The following CREB3L2 variants were observed in gnomAD, a reference collection of about 807,000 sequenced individuals.
CREB3L2 encodes cAMP responsive element binding protein 3 like 2.
CREB3L2 carries 23 observed loss-of-function variants against 57.2 expected under a neutral mutation model. The observed-to-expected ratio is 0.40, with a 90% CI of 0.29 to 0.57. CREB3L2 has a LOEUF of 0.57. CREB3L2 is among the 20% of genes least tolerant of loss of function. The pLI is 0.42. For synonymous variants in CREB3L2, 268 were observed against 265.1 expected (o/e 1.01, Z -0.11); for missense variants, 628 against 634.7 (o/e 0.99, Z 0.11).
intron 1 of CREB3L2, chr7:137,955,440 A>G (rs1801190153): frequency 3.8e-6 from 2 of 524,500 alleles, no homozygotes; most frequent in Admixed American, 4.9e-5. Flanking sequence ...CGCCAAACTT[A>G]CACGTCCGGT....
At chr7:137,888,513 G>A (rs1040014253) in intron 8 of CREB3L2, among the ~76,000 whole-genome samples, 4 of 151,978 alleles carry the variant, frequency 2.6e-5, no homozygotes, top group East Asian at 1.9e-4. Context: ...TTCTCACAGC[G>A]AGATTTCACT....
chr7:137,903,768 T>C (rs1008948488), intron 7 of CREB3L2, among the ~76,000 whole-genome samples, 191 bp downstream of exon 7: 6 of 152,248 alleles, frequency 3.9e-5, no homozygotes, highest in African/African-American at 1.4e-4. Flanking sequence ...GTACTTTCAC[T>C]TCTTTCTTGC....
chr7:137,977,661 C>T (rs1801632212), intron 1 of CREB3L2, among the ~76,000 whole-genome samples: 1 of 152,176 alleles, frequency 6.6e-6, no homozygotes, highest in African/African-American at 2.4e-5. Context: ...TGGCTCATGC[C>T]TGTACGCCCA....
intron 1 of CREB3L2, among the ~76,000 whole-genome samples, chr7:137,992,089 C>G (rs1801909103): frequency 6.6e-6 from 1 of 151,984 alleles, no homozygotes; most frequent in Non-Finnish European, 1.5e-5. Flanking sequence ...CAGATTACAC[C>G]TACACCAGAA....
chr7:137,912,623 A>C (rs553382053), intron 4 of CREB3L2, among the ~76,000 whole-genome samples: 6 of 152,220 alleles, frequency 3.9e-5, no homozygotes, highest in Non-Finnish European at 5.9e-5. Flanking sequence ...GTGCTTTTGT[A>C]GATGGTTGTT....
In CREB3L2 at chr7:137,878,075, C is replaced by T. The variant is rs907387057; in HGVS notation, c.*2401G>A. On this transcript the variant is annotated 3_prime_UTR_variant, in exon 12 of 12. Transcript: ENST00000330387. The stretch of plus-strand genomic sequence containing the variant: ...AACGTCCCATTGTCTACATAGATTC[C>T]GTTTTGGAAGGATGGTTTCCCAGAG... 1.3e-5 allele frequency: 3 copies of T among 229,684 alleles called. No homozygotes were observed. Among genetic ancestry groups the T allele is most frequent in the African/African-American group, 2.2e-5 (1 of 45,152 alleles). 14.2% of individuals were successfully genotyped at this position (229,684 alleles called of 1,614,324 possible).
At position 137,876,902 on chromosome 7, in the gene CREB3L2, G is replaced by T. The variant is rs1022592815; in HGVS notation, c.*3574C>A. The T allele has an allele frequency of 8.6e-6, 2 of 232,270 alleles. No homozygotes were observed. The highest frequency in any genetic ancestry group is 8.5e-6 in the Non-Finnish European group (1 of 117,522). 14.4% of individuals were successfully genotyped at this position (232,270 alleles called of 1,614,324 possible). A position where few individuals can be genotyped will look rare whatever the true frequency, so the allele number is the denominator to read the frequency against. ...TGAATGGGCCATTATTCAACTGGGG[G>T]TGGGATGTCTCCATTTCTGGACTGT... On this transcript the variant is annotated 3_prime_UTR_variant, in exon 12 of 12. Transcript: ENST00000330387.
intron 8 of CREB3L2, among the ~76,000 whole-genome samples, chr7:137,897,179 G>A (rs1224663501): frequency 3.3e-5 from 5 of 152,154 alleles, no homozygotes; most frequent in African/African-American, 1.2e-4. Context: ...CATAATATAT[G>A]CATACATCAA....
At chr7:137,884,717 C>T (rs982979920) in intron 10 of CREB3L2, 1 of 597,718 alleles carries the variant, frequency 1.7e-6, no homozygotes, top group South Asian at 2.1e-5. Flanking sequence ...CTTATCAGAA[C>T]TCAAAAATTA....
At position 137,995,114 on chromosome 7, in the gene CREB3L2, G is replaced by A. The variant is rs113998031; in HGVS notation, c.102+6490C>T. Among the ~76,000 whole-genome samples, 1,470 of 152,164 alleles carry A rather than the reference G, an allele frequency of 9.7e-3. 20 individuals carry two copies. The highest frequency in any genetic ancestry group is 0.029 in the African/African-American group (1,217 of 41,514). On this transcript the variant is annotated intron_variant, in intron 1 of 11. Transcript: ENST00000330387. ...TTAAGAAAAATCAGCTAGTGGGCTAGTAAGAAAAGTTTCTTCCATTCTAAA... is the reference window on the plus strand; with the variant it reads ...TTAAGAAAAATCAGCTAGTGGGCTAATAAGAAAAGTTTCTTCCATTCTAAA...
chr7:137,880,363 C>A lies in CREB3L2; in HGVS notation c.*113G>T. On this transcript the variant is annotated 3_prime_UTR_variant, in exon 12 of 12. Transcript: ENST00000330387. This position sits in a 1 kb window ranked among gnomAD's most constrained non-coding sequence, Gnocchi z 4.0. Reference sequence around the variant, plus strand: ...GGTCTCCAATCTGAAGCCACTAATGCTTGCCCATGTCTCCATGAAGATCCA... The same window carrying A: ...GGTCTCCAATCTGAAGCCACTAATGATTGCCCATGTCTCCATGAAGATCCA... The A allele has an allele frequency of 1.2e-6, 1 of 852,252 alleles. No homozygotes were observed. The highest frequency in any genetic ancestry group is 1.9e-6 in the Non-Finnish European group (1 of 516,660). The allele number at this position is 852,252 out of a possible 1,614,324, so 52.8% of individuals were successfully genotyped here.
chr7:137,922,413 T>TATATATATATATATA (rs1800326634), intron 2 of CREB3L2, among the ~76,000 whole-genome samples: 1 of 21,118 alleles, frequency 4.7e-5, no homozygotes, highest in Non-Finnish European at 8.3e-5. Flanking sequence ...TATATATATA[T>TATATATATATATATA]ATGTATATAT....
At chr7:137,944,398 C>T (rs1303017978) in intron 1 of CREB3L2, among the ~76,000 whole-genome samples, 2 of 152,180 alleles carry the variant, frequency 1.3e-5, no homozygotes, top group African/African-American at 4.8e-5. Flanking sequence ...TCTTCTGGCT[C>T]ACAAAAGAGG....
chr7:137,937,822 CCA>C (rs1491402440), intron 1 of CREB3L2, among the ~76,000 whole-genome samples: 4 of 88,174 alleles, frequency 4.5e-5, no homozygotes, highest in Admixed American at 1.3e-4. Flanking sequence ...AGGCTTATTA[CCA>C]AAAAAAAAAA....
intron 1 of CREB3L2, among the ~76,000 whole-genome samples, chr7:137,968,452 C>T (rs140791844): frequency 6.6e-6 from 1 of 152,150 alleles, no homozygotes; most frequent in African/African-American, 2.4e-5. Context: ...CGAGTGAGAA[C>T]ATGCAGCGTG....
intron 8 of CREB3L2, among the ~76,000 whole-genome samples, chr7:137,893,609 TAAAC>T (rs1370360094): frequency 6.6e-6 from 1 of 152,086 alleles, no homozygotes; most frequent in Non-Finnish European, 1.5e-5. Flanking sequence ...CTGTGTGGGC[TAAAC>T]AAACAGACCA....
At chr7:137,949,982 T>C (rs1033642014) in intron 1 of CREB3L2, among the ~76,000 whole-genome samples, 1 of 152,174 alleles carries the variant, frequency 6.6e-6, no homozygotes, top group Non-Finnish European at 1.5e-5. Context: ...TGGCTAAGTA[T>C]ATTATTTTAT....
At chr7:137,948,152 T>C (rs540490084) in intron 1 of CREB3L2, among the ~76,000 whole-genome samples, 5 of 152,322 alleles carry the variant, frequency 3.3e-5, no homozygotes, top group Admixed American at 3.3e-4. Context: ...TGCTCTTGTG[T>C]CTACCACCTT....
intron 1 of CREB3L2, among the ~76,000 whole-genome samples, chr7:137,949,946 T>A (rs1004416467): frequency 7.2e-5 from 11 of 152,156 alleles, no homozygotes; most frequent in African/African-American, 2.7e-4. Flanking sequence ...TCAACGGAGG[T>A]ACTGTCAGAA....
Sources: gnomAD v4.1 joint callset for allele counts (sites outside exome capture counted in the v4.1 genomes callset) on GRCh38, gnomAD v4.1.1 for gene constraint, Gnocchi (gnomAD v3.1) non-coding constraint, MANE v1.5 for transcripts, NCBI Gene and HGNC (gene_info 2026-07-23, HGNC 2026-07-21) for gene names.